PCMT1: variants seen among roughly 807,000 people sequenced by gnomAD.
PCMT1 encodes protein-L-isoaspartate (D-aspartate) O-methyltransferase, also known as protein-L-isoaspartate(D-aspartate) O-methyltransferase.
A neutral mutation model predicts 29.2 loss-of-function variants in PCMT1; 9 were observed. That is an observed-to-expected ratio of 0.31 (90% confidence interval 0.19 to 0.54). PCMT1 has a LOEUF of 0.54. Among genes scored for constraint, PCMT1 ranks in the 20% least tolerant of loss-of-function variants. The pLI is 0.95. For missense variants in PCMT1, 184 were observed against 282.2 expected (o/e 0.65, Z 2.49); for synonymous variants, 98 against 97.5 (o/e 1.00, Z -0.03).
intron 1 of PCMT1, among the ~76,000 whole-genome samples, chr6:149,756,693 T>C (rs1330996540): frequency 6.6e-6 from 1 of 151,562 alleles, no homozygotes; most frequent in African/African-American, 2.4e-5. Context: ...TCCACTACTT[T>C]TGTATGCACA....
At chr6:149,810,593 A>G (rs770976718) in intron 7 of PCMT1, 23 bp from the exon 8 acceptor site, 4 of 1,543,200 alleles carry the variant, frequency 2.6e-6, no homozygotes, top group South Asian at 2.4e-5. Flanking sequence ...CTACTAATGT[A>G]TTTCTCTCTT....
At chr6:149,772,177 G>T (rs1787355143) in intron 2 of PCMT1, 1 of 439,882 alleles carries the variant, frequency 2.3e-6, no homozygotes, top group East Asian at 7.1e-5. Context: ...AGATCCTGGG[G>T]AGCTTCTGAA....
chr6:149,804,277 G>C (rs1052662145), intron 7 of PCMT1, among the ~76,000 whole-genome samples: 14 of 151,812 alleles, frequency 9.2e-5, no homozygotes, highest in African/African-American at 3.4e-4. Context: ...ACTGAAATTT[G>C]ATAAGAAGAG....
chr6:149,787,826 T>A (rs1283704648), intron 3 of PCMT1, among the ~76,000 whole-genome samples: 1 of 40,138 alleles, frequency 2.5e-5, no homozygotes, highest in Admixed American at 3.9e-4. Flanking sequence ...CTCTCCTCTG[T>A]GTGTGTGTGT....
rs1214348226 is a variant in PCMT1, at chr6:149,787,272, G to GAGAGGGAGACCGTGGGT, written c.193-2665_193-2649dup. Among the ~76,000 whole-genome samples the GAGAGGGAGACCGTGGGT allele has an allele frequency of 9.0e-4, 84 of 93,530 alleles. 1 individual carries two copies. Among genetic ancestry groups the GAGAGGGAGACCGTGGGT allele is most frequent in the South Asian group, 5.4e-3 (14 of 2,590 alleles). The allele number at this position is 93,530 out of a possible 152,430, so 61.4% of individuals were successfully genotyped here. ...CGGCATCAGAGGGAGACCGTGGAAAGAGAGGGAGACCGTGGGTAGAGGGAG... is the reference window on the plus strand; with the variant it reads ...CGGCATCAGAGGGAGACCGTGGAAAGAGAGGGAGACCGTGGGTAGAGGGAGACCGTGGGTAGAGGGAG... On this transcript the variant is annotated intron_variant, in intron 3 of 7. Transcript: ENST00000464889.
intron 1 of PCMT1, among the ~76,000 whole-genome samples, chr6:149,752,036 G>GTTT (rs60405304): frequency 0.012 from 1,422 of 122,790 alleles, 52 homozygotes; most frequent in African/African-American, 0.034. Context: ...AATTTTTAGG[G>GTTT]TTTTTTTTTT....
intron 3 of PCMT1, 134 bp downstream of exon 3, chr6:149,773,303 A>G (rs1189687421): frequency 8.7e-6 from 6 of 689,986 alleles, no homozygotes; most frequent in Non-Finnish European, 1.5e-5. Context: ...AATGAACATC[A>G]TTTTCTTTTT....
At chr6:149,772,968 G>C (rs1195065107) in intron 2 of PCMT1, among the ~76,000 whole-genome samples, 170 bp from the exon 3 acceptor site, 1 of 144,810 alleles carries the variant, frequency 6.9e-6, no homozygotes, top group East Asian at 2.0e-4. Context: ...AGTGAGCCAA[G>C]ATCGCGCCAC....
At chr6:149,767,169 T>C (rs1310468461) in intron 1 of PCMT1, among the ~76,000 whole-genome samples, 1 of 151,932 alleles carries the variant, frequency 6.6e-6, no homozygotes, top group African/African-American at 2.4e-5. Flanking sequence ...ATCACGCCAC[T>C]GCACTCCAGC....
chr6:149,783,666 A>G (rs1016939280), intron 3 of PCMT1, among the ~76,000 whole-genome samples: 1 of 152,112 alleles, frequency 6.6e-6, no homozygotes, highest in Admixed American at 6.5e-5. Context: ...AATGTGGTGC[A>G]TTATGTGTGG....
intron 3 of PCMT1, among the ~76,000 whole-genome samples, chr6:149,777,544 G>GA (rs1787620333): frequency 6.6e-6 from 1 of 152,068 alleles, no homozygotes; most frequent in Non-Finnish European, 1.5e-5. Context: ...TTTTGGGTGG[G>GA]AAAAATAAGA....
At chr6:149,778,410 G>A (rs904276872) in intron 3 of PCMT1, among the ~76,000 whole-genome samples, 3 of 151,226 alleles carry the variant, frequency 2.0e-5, no homozygotes, top group South Asian at 4.2e-4. Context: ...TGTATTTTTA[G>A]TAGAGATGGG....
chr6:149,793,805 G>A (rs1451765943), intron 5 of PCMT1, 136 bp downstream of exon 5: 9 of 713,262 alleles, frequency 1.3e-5, no homozygotes, highest in South Asian at 4.2e-5. Context: ...AAATAAAAAC[G>A]ATTATTTTTG....
chr6:149,773,218 A>G (rs1291432350), intron 3 of PCMT1, 49 bp downstream of exon 3: 13 of 1,403,806 alleles, frequency 9.3e-6, no homozygotes, highest in Non-Finnish European at 1.2e-5. Flanking sequence ...ATTTTTCTCT[A>G]TAATCATTTT....
intron 3 of PCMT1, among the ~76,000 whole-genome samples, chr6:149,786,613 G>A (rs1403300796): frequency 1.4e-5 from 2 of 145,744 alleles, no homozygotes; most frequent in Middle Eastern, 3.5e-3. Context: ...CGGCCGGGCA[G>A]AGACGCTCCT....
chr6:149,803,067 A>C (rs1267436188), intron 7 of PCMT1, among the ~76,000 whole-genome samples: 4 of 150,668 alleles, frequency 2.7e-5, no homozygotes, highest in Non-Finnish European at 5.9e-5. Context: ...AAAAAAAAAA[A>C]AAAAAAAAAA....
At chr6:149,770,316 T>C (rs1476455668) in intron 1 of PCMT1, among the ~76,000 whole-genome samples, 3 of 152,164 alleles carry the variant, frequency 2.0e-5, no homozygotes. Context: ...GTATCAATGA[T>C]TACCTCCACT....
At chr6:149,781,429 G>A (rs1267128370) in intron 3 of PCMT1, among the ~76,000 whole-genome samples, 1 of 152,034 alleles carries the variant, frequency 6.6e-6, no homozygotes, top group Non-Finnish European at 1.5e-5. Flanking sequence ...GTTTCACCGT[G>A]TTGGCCAGGC....
At chr6:149,785,529 G>C (rs1478027288) in intron 3 of PCMT1, among the ~76,000 whole-genome samples, 2 of 151,584 alleles carry the variant, frequency 1.3e-5, no homozygotes, top group African/African-American at 4.8e-5. Flanking sequence ...AAGGTCTCTG[G>C]TTTTCCTAGG....
Sources: allele counts gnomAD v4.1 joint callset (sites outside exome capture counted in the v4.1 genomes callset), GRCh38; gene constraint gnomAD v4.1.1; transcripts MANE v1.5; gene names NCBI Gene and HGNC (gene_info 2026-07-23, HGNC 2026-07-21).